TAFA1: variants seen among roughly 807,000 people sequenced by gnomAD.
TAFA1 encodes the protein TAFA chemokine like family member 1, also known as chemokine-like protein TAFA-1.
A neutral mutation model predicts 18.5 loss-of-function variants in TAFA1; 4 were observed. That is an observed-to-expected ratio of 0.22 (90% CI 0.11 to 0.49). The LOEUF (loss-of-function observed/expected upper bound fraction) is 0.49. Ranked by LOEUF, TAFA1 falls within the 20% of genes least tolerant of loss-of-function variation. The probability of loss-of-function intolerance (pLI) is 0.98; values close to 1 mark genes in which losing one functional copy is unlikely to be tolerated. For synonymous variants in TAFA1, 56 were observed against 55.2 expected, an observed-to-expected ratio of 1.01 and a Z score of -0.06; for missense variants, 147 against 169.0, an observed-to-expected ratio of 0.87 and a Z score of 0.72.
At chr3:68,341,518 T>G (rs2106754004) in intron 2 of TAFA1, among the ~76,000 whole-genome samples, 1 of 152,288 alleles carries the variant, frequency 6.6e-6, no homozygotes, top group East Asian at 1.9e-4. Flanking sequence ...AACCATAATT[T>G]CTAATTTTGT....
At chr3:68,283,106 A>G (rs1399469970) in intron 2 of TAFA1, among the ~76,000 whole-genome samples, 1 of 152,208 alleles carries the variant, frequency 6.6e-6, no homozygotes, top group Non-Finnish European at 1.5e-5. Context: ...AAACTCTCAG[A>G]ACAATAAAGA....
At chr3:68,013,837 G>C (rs886159346) in intron 2 of TAFA1, among the ~76,000 whole-genome samples, 1 of 152,122 alleles carries the variant, frequency 6.6e-6, no homozygotes, top group Non-Finnish European at 1.5e-5. Flanking sequence ...AAAGAAAAAT[G>C]ATATTATCAC....
intron 2 of TAFA1, among the ~76,000 whole-genome samples, chr3:68,170,622 C>G (rs907693398): frequency 6.6e-6 from 1 of 152,080 alleles, no homozygotes; most frequent in African/African-American, 2.4e-5. Flanking sequence ...GAAAATGCCC[C>G]AAGCTTTAAT....
rs183925637 is a variant in TAFA1, at chr3:68,302,658, C to G, written c.119-114622C>G. Among the ~76,000 whole-genome samples, 74 of 151,830 alleles carry G rather than the reference C, an allele frequency of 4.9e-4. No individual in the cohort carries two copies. The Middle Eastern group carries it at 0.01, about 21-fold the overall frequency. On this transcript the variant is annotated intron_variant, in intron 2 of 4. Transcript: ENST00000478136. ...CAGCATCTAAGACAATGTCTGGTATCGAAGGTGCTAACTAAATACCTCTGG... is the reference window on the plus strand; with the variant it reads ...CAGCATCTAAGACAATGTCTGGTATGGAAGGTGCTAACTAAATACCTCTGG...
intron 2 of TAFA1, among the ~76,000 whole-genome samples, chr3:68,044,948 T>C (rs1246182046): frequency 6.6e-6 from 1 of 152,222 alleles, no homozygotes; most frequent in East Asian, 1.9e-4. Flanking sequence ...TATTGCTGTG[T>C]GGAAAGATAC....
chr3:68,227,914 T>C (rs962646763), intron 2 of TAFA1, among the ~76,000 whole-genome samples: 1 of 152,212 alleles, frequency 6.6e-6, no homozygotes, highest in Non-Finnish European at 1.5e-5. Flanking sequence ...AGGAAATCTT[T>C]TATCACTGGC....
At chr3:68,202,905 G>T (rs1010960848) in intron 2 of TAFA1, among the ~76,000 whole-genome samples, 1 of 151,398 alleles carries the variant, frequency 6.6e-6, no homozygotes, top group African/African-American at 2.4e-5. Context: ...TTCAATCCTT[G>T]TCTTTTCTTA....
At chr3:68,419,203 C>T (rs916640482) in intron 3 of TAFA1, among the ~76,000 whole-genome samples, 1 of 152,162 alleles carries the variant, frequency 6.6e-6, no homozygotes, top group African/African-American at 2.4e-5. Flanking sequence ...TCCACAATAT[C>T]CTACAGGTTA....
rs192604335 is a variant in TAFA1 at position 68,382,973 on chromosome 3, G to A, written c.119-34307G>A. 1.9e-3 allele frequency among the ~76,000 whole-genome samples: 294 copies of A among 152,208 alleles called. 2 individuals carry two copies. The highest frequency in any genetic ancestry group is 6.7e-3 in the African/African-American group (280 of 41,544). On this transcript the variant is annotated intron_variant, in intron 2 of 4. Transcript: ENST00000478136. ...ATTTTATGTTGTGGCTGTTGTGAAT[G>A]TGATTGTGTTCCTGGTTTGGCTTTC...
chr3:68,367,621 C>T (rs918170066), intron 2 of TAFA1, among the ~76,000 whole-genome samples: 11 of 152,082 alleles, frequency 7.2e-5, no homozygotes, highest in Non-Finnish European at 1.3e-4. Flanking sequence ...TGTTGTGATT[C>T]AGTGGTACAC....
intron 2 of TAFA1, among the ~76,000 whole-genome samples, chr3:68,067,075 C>A (rs1215745553): frequency 6.6e-6 from 1 of 152,154 alleles, no homozygotes; most frequent in Non-Finnish European, 1.5e-5. Flanking sequence ...TGGCGTAGAG[C>A]CAGGCAGTAG....
intron 2 of TAFA1, among the ~76,000 whole-genome samples, chr3:68,346,210 G>A (rs966248466): frequency 6.6e-6 from 1 of 152,130 alleles, no homozygotes; most frequent in African/African-American, 2.4e-5. Flanking sequence ...AGGCTGTAGT[G>A]CAGTGGCATG....
At chr3:68,429,162 C>A (rs1472404871) in intron 3 of TAFA1, among the ~76,000 whole-genome samples, 1 of 151,786 alleles carries the variant, frequency 6.6e-6, no homozygotes, top group Non-Finnish European at 1.5e-5. Flanking sequence ...TTGCCTTGTT[C>A]TCTTTTCTTT....
At chr3:68,196,300 T>TA (rs1005527941) in intron 2 of TAFA1, among the ~76,000 whole-genome samples, 46 of 151,916 alleles carry the variant, frequency 3.0e-4, no homozygotes, top group African/African-American at 1.1e-3. Context: ...GTTCTGTGTC[T>TA]ACAGTCCTCC....
chr3:68,515,136 G>GA (rs2072901973), intron 3 of TAFA1, among the ~76,000 whole-genome samples: 1 of 152,136 alleles, frequency 6.6e-6, no homozygotes, highest in Non-Finnish European at 1.5e-5. Flanking sequence ...GCATCTGCAT[G>GA]TGCACTTCCC....
At chr3:68,150,347 C>G (rs1198863823) in intron 2 of TAFA1, among the ~76,000 whole-genome samples, 1 of 152,180 alleles carries the variant, frequency 6.6e-6, no homozygotes, top group Non-Finnish European at 1.5e-5. Flanking sequence ...CAAGGAGGAG[C>G]CTGGTGATTA....
chr3:68,041,486 T>C (rs933255992), intron 2 of TAFA1, among the ~76,000 whole-genome samples: 8 of 152,232 alleles, frequency 5.3e-5, no homozygotes, highest in African/African-American at 1.7e-4. Context: ...GATTTTTTTT[T>C]CTCCCATTTT....
At chr3:68,387,322 T>G (rs978059466) in intron 2 of TAFA1, among the ~76,000 whole-genome samples, 21 of 152,166 alleles carry the variant, frequency 1.4e-4, no homozygotes, top group Admixed American at 1.4e-3. Context: ...GGGGCTATTT[T>G]AAGACACTAA....
chr3:68,441,706 C>G (rs1481896641), intron 3 of TAFA1, among the ~76,000 whole-genome samples: 3 of 152,178 alleles, frequency 2.0e-5, no homozygotes, highest in African/African-American at 7.2e-5. Context: ...CTCTGCCACC[C>G]TGCCTTTTCT....
Sources: allele counts gnomAD v4.1 joint callset (sites outside exome capture counted in the v4.1 genomes callset), GRCh38; gene constraint gnomAD v4.1.1; transcripts MANE v1.5; gene names NCBI Gene and HGNC (gene_info 2026-07-23, HGNC 2026-07-21).